STIM2: variants seen among roughly 807,000 people sequenced by gnomAD.
STIM2 encodes stromal interaction molecule 2.
A neutral mutation model predicts 85.8 loss-of-function variants in STIM2; 31 were observed. That is an observed-to-expected ratio of 0.36 (90% CI 0.27 to 0.49). The LOEUF (loss-of-function observed/expected upper bound fraction) is 0.49, where lower values mean the gene tolerates loss of function less well. Ranked by LOEUF, STIM2 falls within the 20% of genes least tolerant of loss-of-function variation. The probability of loss-of-function intolerance (pLI) is 0.98; values close to 1 mark genes in which losing one functional copy is unlikely to be tolerated. For missense variants in STIM2, 841 were observed against 927.6 expected (o/e 0.91, Z 1.21); for synonymous variants, 356 against 331.1 (o/e 1.08, Z -0.82).
intron 1 of STIM2, among the ~76,000 whole-genome samples, chr4:26,899,959 C>T (rs561058765): frequency 6.6e-6 from 1 of 152,180 alleles, no homozygotes; most frequent in South Asian, 2.1e-4. Context: ...ATTTTCTGGG[C>T]CTCACATTTT....
At chr4:26,902,102 G>A (rs912158087) in intron 1 of STIM2, among the ~76,000 whole-genome samples, 1 of 152,080 alleles carries the variant, frequency 6.6e-6, no homozygotes, top group African/African-American at 2.4e-5. Flanking sequence ...AAGTGGTGAT[G>A]TGACCAGATT....
intron 1 of STIM2, among the ~76,000 whole-genome samples, chr4:26,869,643 C>G (rs1391388063): frequency 6.6e-5 from 10 of 152,022 alleles, no homozygotes; most frequent in Non-Finnish European, 7.4e-5. Context: ...ATCTTCCCGC[C>G]TTAGCCTCCC....
chr4:26,907,758 G>T (rs1365566018), intron 1 of STIM2, among the ~76,000 whole-genome samples: 1 of 152,158 alleles, frequency 6.6e-6, no homozygotes, highest in African/African-American at 2.4e-5. Flanking sequence ...TTATTCATGA[G>T]AAAAGGGATT....
Position 26,995,478 on chromosome 4 carries a change from C to G in STIM2, c.497C>G (p.Thr166Arg). 6.3e-7 allele frequency: 1 copy of G among 1,594,356 alleles called. No individual in the cohort carries two copies. The highest frequency in any genetic ancestry group is 8.5e-7 in the Non-Finnish European group (1 of 1,170,226). ...TTTAGAGACAACAATGTCAAAGGAA[C>G]GACACTTCCCAGGTGAGTCTTTGTT... is the stretch of plus-strand genomic sequence containing the variant. Residue 166 changes from threonine to arginine, a missense_variant, in exon 4 of 12, where the codon ACG (threonine) becomes AGG (arginine). By Grantham distance (71) the Thr-to-Arg change is moderately conservative (BLOSUM62 -1). Transcript: ENST00000467087.
intron 1 of STIM2, among the ~76,000 whole-genome samples, chr4:26,875,672 A>G (rs1722791814): frequency 6.6e-6 from 1 of 152,166 alleles, no homozygotes; most frequent in African/African-American, 2.4e-5. Flanking sequence ...TTTTTAGTTA[A>G]ATACAAATTC....
At chr4:26,989,363 A>G (rs1727685600) in intron 3 of STIM2, among the ~76,000 whole-genome samples, 1 of 152,250 alleles carries the variant, frequency 6.6e-6, no homozygotes, top group Non-Finnish European at 1.5e-5. Context: ...GTCAAAAACT[A>G]TATGATCTTT....
chr4:26,962,823 C>T (rs778566805), intron 3 of STIM2, among the ~76,000 whole-genome samples: 2 of 151,962 alleles, frequency 1.3e-5, no homozygotes, highest in African/African-American at 2.4e-5. Context: ...GATTTAGAGA[C>T]TATAGTAGAT....
intron 3 of STIM2, among the ~76,000 whole-genome samples, chr4:26,975,021 G>A (rs1023587647): frequency 6.6e-6 from 1 of 151,860 alleles, no homozygotes; most frequent in Non-Finnish European, 1.5e-5. Context: ...TCTTCTACTT[G>A]ATCAAATTGG....
intron 3 of STIM2, among the ~76,000 whole-genome samples, chr4:26,958,801 T>C (rs1030736974): frequency 2.6e-5 from 4 of 152,256 alleles, no homozygotes; most frequent in Admixed American, 1.3e-4. Context: ...GGTGGGGAAC[T>C]CAGCAACAAA....
chr4:26,928,859 C>A (rs1473848303), intron 2 of STIM2, among the ~76,000 whole-genome samples: 2 of 152,118 alleles, frequency 1.3e-5, no homozygotes. Flanking sequence ...GCTTAGAATT[C>A]TTTGATATGA....
chr4:26,890,503 A>G (rs1723426530), intron 1 of STIM2, among the ~76,000 whole-genome samples: 1 of 152,056 alleles, frequency 6.6e-6, no homozygotes, highest in African/African-American at 2.4e-5. Context: ...TTTAGTCTCT[A>G]ATAAGGCCCC....
At chr4:26,917,564 C>A (rs1122045) in intron 1 of STIM2, among the ~76,000 whole-genome samples, 38,011 of 145,864 alleles carry the variant, frequency 0.26, 4,782 homozygotes, top group East Asian at 0.38. Context: ...TTATGAAATA[C>A]GCCTATTTAA....
Position 27,023,045 on chromosome 4 carries a change from AT to A in STIM2, c.*50del, listed in dbSNP as rs1728966498. 1.3e-6 allele frequency: 2 copies of A among 1,544,270 alleles called. No individual in the cohort carries two copies. The highest frequency in any genetic ancestry group is 1.8e-5 in the Admixed American group (1 of 56,662). On this transcript the variant is annotated 3_prime_UTR_variant, in exon 12 of 12. Transcript: ENST00000467087. The stretch of plus-strand genomic sequence containing the variant: ...GTTCAAGTGGCATCTGTAAACTATT[AT>A]CCCCCACCCTCCACTCCCCACCTTT...
At chr4:27,016,653 T>G (rs1294412111) in intron 10 of STIM2, among the ~76,000 whole-genome samples, 1 of 152,226 alleles carries the variant, frequency 6.6e-6, no homozygotes, top group Non-Finnish European at 1.5e-5. Flanking sequence ...GCTTGCTAAT[T>G]GGTTAGAATT....
At chr4:26,867,125 T>C (rs570893189) in intron 1 of STIM2, among the ~76,000 whole-genome samples, 1 of 152,324 alleles carries the variant, frequency 6.6e-6, no homozygotes, top group South Asian at 2.1e-4. Context: ...TGAAAATGTT[T>C]AGATGAAATT....
intron 2 of STIM2, among the ~76,000 whole-genome samples, chr4:26,950,212 T>C (rs1250778072): frequency 6.6e-6 from 1 of 152,248 alleles, no homozygotes; most frequent in Non-Finnish European, 1.5e-5. Context: ...AGACTAATTG[T>C]AGTCTTTATG....
intron 9 of STIM2, 79 bp downstream of exon 9, chr4:27,008,607 T>C: frequency 8.6e-7 from 1 of 1,158,510 alleles, no homozygotes; most frequent in Admixed American, 2.3e-5. Context: ...TTTATATTTA[T>C]CATTTATATA....
At chr4:26,951,057 G>A (rs1726030570) in intron 2 of STIM2, among the ~76,000 whole-genome samples, 1 of 152,032 alleles carries the variant, frequency 6.6e-6, no homozygotes, top group Admixed American at 6.6e-5. Flanking sequence ...AGGGTAAACG[G>A]ATATACCTGC....
chr4:27,003,901 A>G (rs1199916489), intron 7 of STIM2, among the ~76,000 whole-genome samples: 1 of 152,024 alleles, frequency 6.6e-6, no homozygotes, highest in Non-Finnish European at 1.5e-5. Flanking sequence ...TCCAGCCTCT[A>G]CTTCTGTGGT....
Sources: allele counts gnomAD v4.1 joint callset (sites outside exome capture counted in the v4.1 genomes callset), GRCh38; gene constraint gnomAD v4.1.1; transcripts MANE v1.5; gene names NCBI Gene and HGNC (gene_info 2026-07-23, HGNC 2026-07-21).